The following HNMT variants were observed in gnomAD, a reference collection of about 807,000 sequenced individuals.
The protein encoded by HNMT is histamine N-methyltransferase.
HNMT carries 30 observed loss-of-function variants against 32.1 expected under a neutral mutation model. That is an observed-to-expected ratio of 0.93 (90% CI 0.70 to 1.27). The LOEUF (loss-of-function observed/expected upper bound fraction) is 1.27. Among genes scored for constraint, HNMT ranks in the 50% most tolerant of loss-of-function variants. The pLI is 0.00. For synonymous variants in HNMT, 125 were observed against 119.0 expected, an observed-to-expected ratio of 1.05 and a Z score of -0.33; for missense variants, 327 against 346.0, an observed-to-expected ratio of 0.95 and a Z score of 0.43.
intron 5 of HNMT, among the ~76,000 whole-genome samples, chr2:138,008,547 C>T (rs1681398611): frequency 6.6e-6 from 1 of 151,682 alleles, no homozygotes; most frequent in Admixed American, 6.6e-5. Context: ...GTACAATAAC[C>T]AAACAGCATG....
At chr2:137,967,383 C>CA (rs1235655994) in intron 1 of HNMT, 3 of 404,562 alleles carry the variant, frequency 7.4e-6, no homozygotes, top group East Asian at 7.6e-5. Flanking sequence ...GCCTGGATGA[C>CA]AGAGTGAGAA....
intron 2 of HNMT, among the ~76,000 whole-genome samples, chr2:137,976,755 T>C (rs1680300496): frequency 6.6e-6 from 1 of 152,240 alleles, no homozygotes; most frequent in Admixed American, 6.5e-5. Context: ...GGCATCATTT[T>C]ATTAAAGGCA....
At chr2:137,997,974 C>T (rs1681047237) in intron 2 of HNMT, among the ~76,000 whole-genome samples, 2 of 151,914 alleles carry the variant, frequency 1.3e-5, no homozygotes, top group South Asian at 2.1e-4. Flanking sequence ...ACGATGAGAG[C>T]ACATGGACAC....
At position 138,007,637 on chromosome 2, in the gene HNMT, A is replaced by G. The variant is rs11893079; in HGVS notation, c.523+2412A>G. On this transcript the variant is annotated intron_variant, in intron 5 of 5. Coordinates refer to ENST00000280097, the MANE Select transcript of HNMT (RefSeq NM_006895.3). ...TAAATGTTCCTGGTGATTGCCATCC[A>G]CTGTGTGCTCCAAGTTCAACTTTTG... Among the ~76,000 whole-genome samples, 1,151 of 152,062 alleles carry G rather than the reference A, an allele frequency of 7.6e-3. 16 individuals are homozygous for G. The highest frequency in any genetic ancestry group is 0.027 in the African/African-American group (1,102 of 41,510).
rs115206882 is a variant in HNMT at position 138,010,561 on chromosome 2, G to C, written c.524-3214G>C. Among the ~76,000 whole-genome samples the C allele has an allele frequency of 4.1e-3, 618 of 151,178 alleles. 1 individual carries two copies. Among genetic ancestry groups the C allele is most frequent in the African/African-American group, 0.014 (579 of 41,218 alleles). On this transcript the variant is annotated intron_variant, in intron 5 of 5. Coordinates refer to ENST00000280097, the MANE Select transcript of HNMT (RefSeq NM_006895.3). ...TTGTGTATTTTTAGGGAAAGAAAAA[G>C]AAATTGAAATCAGAATTAAATGACA... is the stretch of plus-strand genomic sequence containing the variant.
Position 138,013,879 on chromosome 2 carries a change from A to C in HNMT, c.628A>C (p.Asn210His), listed in dbSNP as rs201525947. Residue 210 changes from asparagine (N) to histidine (H), a missense_variant, in exon 6 of 6, where the codon AAC (asparagine) becomes CAC (histidine). Physicochemically the swap from Asn to His is moderately conservative, Grantham distance 68. Transcript: ENST00000280097. ...AGATGACCTCACTCAGATGCTGGAC[A>C]ACCTAGGGCTTAAGTATGAGTGCTA... ...TSDDLTQMLDNLGLKYECYDL... is the reference protein window; with the variant it reads ...TSDDLTQMLDHLGLKYECYDL... 1.1e-5 allele frequency: 17 copies of C among 1,613,718 alleles called. No individual in the cohort carries two copies. The highest frequency in any genetic ancestry group is 1.4e-5 in the Non-Finnish European group (16 of 1,179,818).
intron 4 of HNMT, chr2:138,002,808 C>T: frequency 1.0e-6 from 1 of 966,510 alleles, no homozygotes; most frequent in Non-Finnish European, 1.2e-6. Flanking sequence ...AGCATCATAA[C>T]ATATTCTCTA....
intron 2 of HNMT, chr2:137,981,283 T>G: frequency 1.9e-6 from 3 of 1,613,630 alleles, no homozygotes; most frequent in Non-Finnish European, 2.5e-6. Flanking sequence ...GTAGCACCCG[T>G]CAGAAAGACA....
intron 4 of HNMT, chr2:138,002,486 C>A: frequency 2.0e-6 from 1 of 500,568 alleles, no homozygotes; most frequent in Non-Finnish European, 2.6e-6. Flanking sequence ...CTCGCTGTGT[C>A]ATCCAGGCTG....
At chr2:137,995,100 A>T (rs1484087273) in intron 2 of HNMT, among the ~76,000 whole-genome samples, 2 of 152,142 alleles carry the variant, frequency 1.3e-5, no homozygotes, top group Non-Finnish European at 2.9e-5. Context: ...CATCACAATT[A>T]AAAGAGTTAT....
intron 1 of HNMT, 100 bp downstream of exon 1, chr2:137,964,728 T>A: frequency 8.4e-7 from 1 of 1,185,792 alleles, no homozygotes; most frequent in South Asian, 1.3e-5. Flanking sequence ...GGCACAGGGA[T>A]AAGGGCGAAT....
intron 5 of HNMT, among the ~76,000 whole-genome samples, chr2:138,013,171 A>G (rs1681560942): frequency 6.6e-6 from 1 of 152,140 alleles, no homozygotes; most frequent in Non-Finnish European, 1.5e-5. Flanking sequence ...CATAGCAACA[A>G]GTGGTGAGTG....
intron 2 of HNMT, among the ~76,000 whole-genome samples, chr2:137,974,913 T>C (rs1680242831): frequency 1.3e-5 from 2 of 152,300 alleles, no homozygotes; most frequent in Non-Finnish European, 2.9e-5. Context: ...GGGTCTCCTG[T>C]TCTGCAGCAT....
At chr2:138,013,224 T>C (rs1681562218) in intron 5 of HNMT, among the ~76,000 whole-genome samples, 1 of 151,988 alleles carries the variant, frequency 6.6e-6, no homozygotes, top group Non-Finnish European at 1.5e-5. Flanking sequence ...TGTCCATTGG[T>C]TCAGAAAATT....
intron 5 of HNMT, among the ~76,000 whole-genome samples, chr2:138,011,260 G>C (rs551586721): frequency 5.3e-5 from 8 of 152,156 alleles, no homozygotes; most frequent in South Asian, 4.2e-4. Context: ...CTGAAATGCT[G>C]ATTTTCTTGT....
intron 2 of HNMT, among the ~76,000 whole-genome samples, chr2:137,986,938 A>G (rs886514817): frequency 4.6e-5 from 7 of 152,222 alleles, no homozygotes; most frequent in Admixed American, 4.6e-4. Context: ...TGAGAAAATC[A>G]GTTACATCAT....
intron 5 of HNMT, among the ~76,000 whole-genome samples, chr2:138,008,048 C>T (rs937853134): frequency 3.3e-5 from 5 of 151,876 alleles, no homozygotes; most frequent in African/African-American, 9.7e-5. Context: ...CATAGGTAAA[C>T]GTGTCCGGGG....
rs568899279 is a variant in HNMT at position 138,003,821 on chromosome 2, T to A, written c.430-1311T>A. ...CCATCTTATTGCAAAAACCTCCTCT[T>A]ATCAAAAACCACTCCCTCTGCTTAA... On this transcript the variant is annotated intron_variant, in intron 4 of 5. Transcript: ENST00000280097. Among the ~76,000 whole-genome samples the A allele has an allele frequency of 9.2e-5, 14 of 152,192 alleles. No individual in the cohort carries two copies. The East Asian group carries it at 2.3e-3, about 25-fold the overall frequency.
At chr2:137,982,386 G>C (rs1349077547) in intron 2 of HNMT, among the ~76,000 whole-genome samples, 1 of 152,092 alleles carries the variant, frequency 6.6e-6, no homozygotes, top group African/African-American at 2.4e-5. Context: ...TTAACATACA[G>C]CTTGTGTGAA....
Sources: gnomAD v4.1 joint callset for allele counts (sites outside exome capture counted in the v4.1 genomes callset) on GRCh38, gnomAD v4.1.1 for gene constraint, MANE v1.5 for transcripts, NCBI Gene and HGNC (gene_info 2026-07-23, HGNC 2026-07-21) for gene names.